Variants in WFDC13 observed in about 807,000 individuals in gnomAD.
WFDC13 encodes the protein WAP four-disulfide core domain protein 13.
A neutral mutation model predicts 10.9 loss-of-function variants in WFDC13; 6 were observed. The observed-to-expected ratio is 0.55, with a 90% confidence interval of 0.30 to 1.09. WFDC13 has a LOEUF of 1.09. Ranked by LOEUF, WFDC13 falls within the 50% of genes least tolerant of loss-of-function variation. The pLI, the probability that WFDC13 is intolerant of heterozygous loss-of-function variation, is 0.06. For synonymous variants in WFDC13, 38 were observed against 39.5 expected (o/e 0.96, Z 0.14); for missense variants, 104 against 109.6 (o/e 0.95, Z 0.23).
chr20:45,707,341 G>A (rs893119572), intron 3 of WFDC13, among the ~76,000 whole-genome samples: 1 of 152,194 alleles, frequency 6.6e-6, no homozygotes, highest in Non-Finnish European at 1.5e-5. Flanking sequence ...GGTTCGAGTT[G>A]ACCTGAGTGA....
chr20:45,702,272 G>A (rs1196089866), intron 1 of WFDC13, 61 bp downstream of exon 1: 1 of 1,511,184 alleles, frequency 6.6e-7, no homozygotes, highest in Non-Finnish European at 9.0e-7. Flanking sequence ...GAGGATCTGA[G>A]GGCTGACAGT....
At position 45,708,759 on chromosome 20, in the gene WFDC13, G is replaced by A. The variant is rs901369547; in HGVS notation, c.*924G>A. 2.6e-5 allele frequency: 4 copies of A among 152,294 alleles called. No individual in the cohort carries two copies. The highest frequency in any genetic ancestry group is 7.2e-5 in the African/African-American group (3 of 41,556). 9.4% of individuals were successfully genotyped at this position (152,294 alleles called of 1,614,324 possible). A position where few individuals can be genotyped will look rare whatever the true frequency, so the allele number is the denominator to read the frequency against. Reference sequence around the variant, plus strand: ...TGATATATTCGTAAGCTTTTGTTAAGTTTGTAATTTGTTGCAATTTCTTTT... The same window carrying A: ...TGATATATTCGTAAGCTTTTGTTAAATTTGTAATTTGTTGCAATTTCTTTT... On this transcript the variant is annotated 3_prime_UTR_variant, in exon 4 of 4. Coordinates refer to ENST00000305479, the MANE Select transcript of WFDC13 (RefSeq NM_172005.2).
intron 2 of WFDC13, chr20:45,704,943 G>C (rs1984331310): frequency 1.2e-6 from 2 of 1,614,022 alleles, no homozygotes; most frequent in Non-Finnish European, 1.7e-6. Context: ...AAATCCCAAA[G>C]CAAAATTTGT....
At chr20:45,706,068 A>C (rs550397080) in intron 3 of WFDC13, 141 bp downstream of exon 3, 18 of 697,364 alleles carry the variant, frequency 2.6e-5, no homozygotes, top group Non-Finnish European at 4.9e-6. Flanking sequence ...CTCCTCCATC[A>C]TTCCCCTCCA....
chr20:45,705,272 A>G, intron 2 of WFDC13: 1 of 438,772 alleles, frequency 2.3e-6, no homozygotes, highest in Non-Finnish European at 4.2e-6. Flanking sequence ...CCCATATGAA[A>G]TTTCAAAAGA....
chr20:45,702,857 G>C (rs1322888017), intron 1 of WFDC13, among the ~76,000 whole-genome samples: 1 of 152,186 alleles, frequency 6.6e-6, no homozygotes, highest in Non-Finnish European at 1.5e-5. Flanking sequence ...GAAAAGAACT[G>C]TTATTCATCA....
rs1450460932 is a variant in WFDC13, at chr20:45,704,723, C to T, written c.239+129C>T. On this transcript the variant is annotated intron_variant, in intron 2 of 3. Coordinates refer to ENST00000305479, the MANE Select transcript of WFDC13 (RefSeq NM_172005.2). The stretch of plus-strand genomic sequence containing the variant: ...TTTTCCTTGGTGGCCATGTTGCCAA[C>T]ATGCCCCTTCTCTTGACCAAGGATA... The T allele has an allele frequency of 9.2e-6, 13 of 1,414,980 alleles. No individual in the cohort carries two copies. In the East Asian group the frequency reaches 2.8e-4, roughly 30 times the overall value. The allele number at this position is 1,414,980 out of a possible 1,614,324, so 87.7% of individuals were successfully genotyped here.
intron 3 of WFDC13, 100 bp from the exon 4 acceptor site, chr20:45,707,757 CA>C (rs1984452628): frequency 6.6e-6 from 1 of 152,208 alleles, no homozygotes; most frequent in Non-Finnish European, 1.5e-5. Flanking sequence ...TGACAACAGA[CA>C]GTTCAATGAC....
Position 45,706,824 on chromosome 20 carries a change from C to G in WFDC13, c.*22+897C>G, listed in dbSNP as rs139632821. On this transcript the variant is annotated intron_variant, in intron 3 of 3. Coordinates refer to ENST00000305479, the MANE Select transcript of WFDC13 (RefSeq NM_172005.2). ...CATCTTTATTATTTTACTGATGCTT[C>G]AAGAATGGTGAACAAAATGGAGTCC... Among the ~76,000 whole-genome samples, 488 of 151,846 alleles carry G rather than the reference C, an allele frequency of 3.2e-3. 4 individuals are homozygous for G. The highest frequency in any genetic ancestry group is 0.011 in the African/African-American group (468 of 41,428).
chr20:45,702,087 C>G lies in WFDC13; in HGVS notation c.-37C>G. On this transcript the variant is annotated 5_prime_UTR_variant, in exon 1 of 4. Transcript: ENST00000305479. ...GCAGTGCCTGGTCAAACCCAGCAAC[C>G]CTTGGCCAGAACTTACTCACCCATC... 1.3e-6 allele frequency: 2 copies of G among 1,597,346 alleles called. No homozygotes were observed. The highest frequency in any genetic ancestry group is 2.3e-5 in the South Asian group (2 of 88,328).
intron 3 of WFDC13, among the ~76,000 whole-genome samples, chr20:45,707,246 TA>T (rs1345631775): frequency 1.3e-5 from 2 of 152,212 alleles, no homozygotes; most frequent in Admixed American, 6.5e-5. Flanking sequence ...TGGCCTACCA[TA>T]ACCTAGTGAC....
intron 1 of WFDC13, 28 bp downstream of exon 1, chr20:45,702,239 G>T: frequency 6.3e-7 from 1 of 1,598,102 alleles, no homozygotes; most frequent in South Asian, 1.1e-5. Context: ...GCCCAAGGAG[G>T]GAAGTAACAT....
intron 2 of WFDC13, chr20:45,705,230 T>G: frequency 1.9e-6 from 1 of 528,436 alleles, no homozygotes; most frequent in Non-Finnish European, 3.4e-6. Context: ...ATGAGTAAAA[T>G]AAGTACTCTT....
At chr20:45,702,786 C>A (rs1005714248) in intron 1 of WFDC13, among the ~76,000 whole-genome samples, 1 of 152,196 alleles carries the variant, frequency 6.6e-6, no homozygotes, top group Non-Finnish European at 1.5e-5. Context: ...GCCACCACTG[C>A]CCAGCTCAAC....
rs774447836 is a variant in WFDC13, at chr20:45,704,403, C to A, written c.89-41C>A. 6.9e-6 allele frequency: 11 copies of A among 1,586,310 alleles called. No homozygotes were observed. In the South Asian group the frequency reaches 7.0e-5, roughly 10 times the overall value. On this transcript the variant is annotated intron_variant, in intron 1 of 3. Coordinates refer to ENST00000305479, the MANE Select transcript of WFDC13 (RefSeq NM_172005.2). ...TTCTGAGTTCTGAACATTACTCCAG[C>A]CTGTTGGTGAGGCCCTTCTCTTACT...
chr20:45,704,209 TG>T (rs1984291614), intron 1 of WFDC13, among the ~76,000 whole-genome samples: 2 of 152,186 alleles, frequency 1.3e-5, no homozygotes, highest in Non-Finnish European at 2.9e-5. Context: ...GAATGACCAA[TG>T]GGTGCAGGGT....
intron 2 of WFDC13, 28 bp from the exon 3 acceptor site, chr20:45,705,835 A>C (rs542273227): frequency 6.2e-7 from 1 of 1,606,674 alleles, no homozygotes. Context: ...TTCACTAGTT[A>C]ATATTTGAAA....
chr20:45,704,804 C>T (rs1052688439), intron 2 of WFDC13: 4 of 1,306,820 alleles, frequency 3.1e-6, no homozygotes, highest in Non-Finnish European at 4.4e-6. Flanking sequence ...TCACCACATC[C>T]CATCACCATA....
chr20:45,703,650 G>A (rs563806578), intron 1 of WFDC13, among the ~76,000 whole-genome samples: 1 of 152,230 alleles, frequency 6.6e-6, no homozygotes, highest in South Asian at 2.1e-4. Flanking sequence ...GAGATTGTGG[G>A]TTGTGGACTT....
Sources: allele counts gnomAD v4.1 joint callset (sites outside exome capture counted in the v4.1 genomes callset), GRCh38; gene constraint gnomAD v4.1.1; transcripts MANE v1.5; gene names NCBI Gene and HGNC (gene_info 2026-07-23, HGNC 2026-07-21).